The following DNAI3 variants were observed in gnomAD, a reference collection of about 807,000 sequenced individuals.
The protein encoded by DNAI3 is WD repeat domain 63.
DNAI3 carries 83 observed loss-of-function variants against 115.5 expected under a neutral mutation model. That is an observed-to-expected ratio of 0.72 (90% confidence interval 0.60 to 0.86). The LOEUF (loss-of-function observed/expected upper bound fraction) is 0.86, where lower values mean the gene tolerates loss of function less well. Among genes scored for constraint, DNAI3 ranks in the 40% least tolerant of loss-of-function variants. The probability of loss-of-function intolerance (pLI) is 0.00; values close to 1 mark genes in which losing one functional copy is unlikely to be tolerated. For synonymous variants in DNAI3, 320 were observed against 347.0 expected (o/e 0.92, Z 0.86); for missense variants, 1,004 against 1,075.8 (o/e 0.93, Z 0.93).
intron 18 of DNAI3, among the ~76,000 whole-genome samples, chr1:85,123,442 T>C (rs531406754): frequency 3.3e-5 from 5 of 152,256 alleles, no homozygotes; most frequent in African/African-American, 9.6e-5. Flanking sequence ...AATGACCAGA[T>C]TGCTGTCGGG....
Position 85,128,814 on chromosome 1 carries a change from T to C in DNAI3, c.2409+15T>C, listed in dbSNP as rs780064298. 7 of 1,599,784 alleles carry C rather than the reference T, an allele frequency of 4.4e-6. No individual in the cohort carries two copies. The highest frequency in any genetic ancestry group is 6.0e-6 in the Non-Finnish European group (7 of 1,170,098). ...CCACCAATGAGGTTAGTAACTAACT[T>C]ATGACTTTGAGAATTAATGTGACCA... On this transcript the variant is annotated intron_variant, in intron 21 of 22. Coordinates refer to ENST00000294664, the MANE Select transcript of DNAI3 (RefSeq NM_145172.5).
At chr1:85,110,962 G>T (rs1323309372) in intron 16 of DNAI3, among the ~76,000 whole-genome samples, 1 of 152,078 alleles carries the variant, frequency 6.6e-6, no homozygotes, top group Non-Finnish European at 1.5e-5. Context: ...TGAAATAATT[G>T]AAGGGGGCAC....
intron 7 of DNAI3, among the ~76,000 whole-genome samples, chr1:85,089,724 T>C (rs1654916543): frequency 6.6e-6 from 1 of 151,700 alleles, no homozygotes; most frequent in South Asian, 2.1e-4. Context: ...AAATGTCCCA[T>C]GAGGGGGTGA....
chr1:85,087,401 A>G (rs570509610), intron 7 of DNAI3, among the ~76,000 whole-genome samples: 1 of 130,964 alleles, frequency 7.6e-6, no homozygotes, highest in African/African-American at 2.9e-5. Flanking sequence ...GTGCCACTGC[A>G]CTCCAGCCTG....
At chr1:85,122,302 G>A (rs959027499) in intron 18 of DNAI3, among the ~76,000 whole-genome samples, 19 of 152,118 alleles carry the variant, frequency 1.2e-4, no homozygotes, top group African/African-American at 4.6e-4. Context: ...CCTCCTTTGG[G>A]GCTAGGACAG....
chr1:85,077,683 A>G (rs1654501702), intron 3 of DNAI3, among the ~76,000 whole-genome samples: 1 of 152,162 alleles, frequency 6.6e-6, no homozygotes, highest in East Asian at 1.9e-4. Context: ...GGGATGAAGG[A>G]GGTGTATTGG....
chr1:85,108,091 A>C lies in DNAI3; in HGVS notation c.1612A>C (p.Lys538Gln). The C allele has an allele frequency of 6.2e-7, 1 of 1,610,312 alleles. No homozygotes were observed. Among genetic ancestry groups the C allele is most frequent in the East Asian group, 2.2e-5 (1 of 44,622 alleles). The change falls in exon 15 of 23, where the codon AAA becomes CAA. Residue 538 changes from lysine (K) to glutamine (Q), a missense_variant. By Grantham distance (53) the Lys-to-Gln change is moderately conservative (BLOSUM62 1). Transcript: ENST00000294664. ...QKPLTPQTTE[K>Q]KKEESIEIPF... Reference sequence around the variant, plus strand: ...ACCTTTAACCCCCCAAACAACAGAGAAAAAGAAGGAGGAAAGTATTGAAAT... The same window carrying C: ...ACCTTTAACCCCCCAAACAACAGAGCAAAAGAAGGAGGAAAGTATTGAAAT...
chr1:85,122,438 C>A (rs1480426493), intron 18 of DNAI3, among the ~76,000 whole-genome samples: 3 of 152,218 alleles, frequency 2.0e-5, no homozygotes, highest in African/African-American at 7.2e-5. Context: ...ATAAGCAAAG[C>A]TCCCTATCTC....
At chr1:85,110,449 T>TTAAA (rs748063652) in intron 16 of DNAI3, among the ~76,000 whole-genome samples, 21 of 10,380 alleles carry the variant, frequency 2.0e-3, no homozygotes, top group Admixed American at 6.4e-3. Flanking sequence ...AGACTCCATC[T>TTAAA]CAAATAAATA....
In DNAI3 at chr1:85,126,677, T is replaced by C; in HGVS notation, c.2279T>C (p.Ile760Thr). 1 of 1,614,154 alleles carries C rather than the reference T, an allele frequency of 6.2e-7. No homozygotes were observed. Residue 760 changes from isoleucine to threonine, a missense_variant, in exon 20 of 23, where the codon ATA (isoleucine) becomes ACA (threonine). This residue lies in a region of DNAI3 where 429 missense variants were observed against 454.3 expected (regional missense o/e 0.94). Coordinates refer to ENST00000294664, the MANE Select transcript of DNAI3 (RefSeq NM_145172.5). ...HEPAQSQNIC[I>T]TMITYIKPWI... The stretch of plus-strand genomic sequence containing the variant: ...CCAGCCCAGTCTCAAAACATTTGCA[T>C]AACTATGATCACCTACATCAAACCC...
chr1:85,076,538 C>T (rs138372141), intron 3 of DNAI3, among the ~76,000 whole-genome samples: 2 of 152,270 alleles, frequency 1.3e-5, no homozygotes, highest in African/African-American at 4.8e-5. Flanking sequence ...CACAGTTCTA[C>T]ATGGCTGGGG....
intron 19 of DNAI3, among the ~76,000 whole-genome samples, chr1:85,124,701 G>C (rs527464310): frequency 6.6e-6 from 1 of 152,124 alleles, no homozygotes; most frequent in African/African-American, 2.4e-5. Context: ...CAGCTTTTTT[G>C]TGTGTGTTTT....
At chr1:85,125,838 G>T (rs1471614109) in intron 19 of DNAI3, among the ~76,000 whole-genome samples, 1 of 152,210 alleles carries the variant, frequency 6.6e-6, no homozygotes, top group Non-Finnish European at 1.5e-5. Flanking sequence ...GTCAGTAGAT[G>T]AAGCCTGAAG....
chr1:85,122,976 G>A (rs1300649086), intron 18 of DNAI3, among the ~76,000 whole-genome samples: 1 of 152,108 alleles, frequency 6.6e-6, no homozygotes, highest in South Asian at 2.1e-4. Context: ...TGGGACCTGG[G>A]GCAGAGGCTA....
chr1:85,089,425 A>G (rs1571170070), intron 7 of DNAI3, among the ~76,000 whole-genome samples: 1 of 148,556 alleles, frequency 6.7e-6, no homozygotes. Flanking sequence ...TAAAGCCCAG[A>G]GGTACAATGC....
At chr1:85,101,725 C>A (rs140772431) in intron 13 of DNAI3, among the ~76,000 whole-genome samples, 1 of 13,636 alleles carries the variant, frequency 7.3e-5, no homozygotes, top group East Asian at 1.7e-3. Flanking sequence ...GAGACTCCAT[C>A]TCAAAAAAAA....
At chr1:85,116,303 C>T (rs1463649145) in intron 16 of DNAI3, among the ~76,000 whole-genome samples, 2 of 152,206 alleles carry the variant, frequency 1.3e-5, no homozygotes, top group Non-Finnish European at 2.9e-5. Context: ...TCTCTTCAGG[C>T]CTCCACTTCC....
chr1:85,131,431 C>G, intron 22 of DNAI3, among the ~76,000 whole-genome samples: 1 of 108,204 alleles, frequency 9.2e-6, no homozygotes, highest in East Asian at 2.6e-4. Context: ...GCAACAAGAG[C>G]GAAACTCCAT....
intron 3 of DNAI3, among the ~76,000 whole-genome samples, chr1:85,079,063 G>A (rs567736194): frequency 6.6e-6 from 1 of 152,336 alleles, no homozygotes; most frequent in Admixed American, 6.5e-5. Flanking sequence ...ATTAGGGACA[G>A]CTGCCTTCTT....
Sources: allele counts gnomAD v4.1 joint callset (sites outside exome capture counted in the v4.1 genomes callset), GRCh38; gene constraint gnomAD v4.1.1; regional missense constraint gnomAD v4.1.1; transcripts MANE v1.5; gene names NCBI Gene and HGNC (gene_info 2026-07-23, HGNC 2026-07-21).